LRRC4C: variants seen among roughly 807,000 people sequenced by gnomAD.
LRRC4C encodes the protein leucine-rich repeat-containing protein 4C.
In LRRC4C, 5 loss-of-function variants were observed where a neutral mutation model predicts 33.6. The ratio of observed to expected loss-of-function variants is 0.15; its 90% CI spans 0.08 to 0.31. LRRC4C has a LOEUF of 0.31. LRRC4C is among the 10% of genes least tolerant of loss of function. The pLI, the probability that LRRC4C is intolerant of heterozygous loss-of-function variation, is 1.00. For synonymous variants in LRRC4C, 329 were observed against 302.0 expected (o/e 1.09, Z -0.93); for missense variants, 560 against 796.7 (o/e 0.70, Z 3.58).
chr11:40,632,077 C>A (rs1963522536), intron 3 of LRRC4C, among the ~76,000 whole-genome samples: 1 of 152,136 alleles, frequency 6.6e-6, no homozygotes, highest in Admixed American at 6.5e-5. Context: ...GGTAGCAGTA[C>A]CAGATCTATA....
At chr11:41,218,268 T>A (rs1947149393) in intron 1 of LRRC4C, among the ~76,000 whole-genome samples, 1 of 152,214 alleles carries the variant, frequency 6.6e-6, no homozygotes, top group Non-Finnish European at 1.5e-5. Flanking sequence ...CTTGTCAGTA[T>A]GTTCAACTTA....
At chr11:40,272,573 G>GT (rs1222327373) in intron 4 of LRRC4C, among the ~76,000 whole-genome samples, 2 of 151,902 alleles carry the variant, frequency 1.3e-5, no homozygotes, top group Non-Finnish European at 2.9e-5. Flanking sequence ...TTGTTAGTTT[G>GT]TTTTTTTCAC....
At chr11:41,397,210 C>G (rs1042368508) in intron 1 of LRRC4C, among the ~76,000 whole-genome samples, 1 of 151,916 alleles carries the variant, frequency 6.6e-6, no homozygotes, top group Admixed American at 6.6e-5. Context: ...TCCACTTATA[C>G]ACAAAGTTTT....
At chr11:40,291,215 G>A (rs773307806) in intron 4 of LRRC4C, among the ~76,000 whole-genome samples, 11 of 152,204 alleles carry the variant, frequency 7.2e-5, no homozygotes, top group Non-Finnish European at 1.6e-4. Flanking sequence ...GACTTTGGCA[G>A]CTATAGGGGA....
chr11:40,390,266 C>T (rs1199256179), intron 3 of LRRC4C, among the ~76,000 whole-genome samples: 3 of 152,132 alleles, frequency 2.0e-5, no homozygotes, highest in Non-Finnish European at 4.4e-5. Context: ...GTTAAAGAAG[C>T]ATCAAACATA....
intron 1 of LRRC4C, among the ~76,000 whole-genome samples, chr11:41,008,965 T>A (rs1313643845): frequency 2.0e-5 from 3 of 152,076 alleles, no homozygotes; most frequent in African/African-American, 7.2e-5. Flanking sequence ...TCTTCTTCAA[T>A]TGAACTATTT....
intron 1 of LRRC4C, among the ~76,000 whole-genome samples, chr11:41,160,878 A>G (rs903272461): frequency 3.3e-5 from 5 of 152,188 alleles, no homozygotes; most frequent in Admixed American, 3.3e-4. Flanking sequence ...CATTATATTT[A>G]TGAAGAAAAG....
At chr11:40,582,591 A>G (rs1207380201) in intron 3 of LRRC4C, among the ~76,000 whole-genome samples, 1 of 143,516 alleles carries the variant, frequency 7.0e-6, no homozygotes, top group Admixed American at 7.4e-5. Flanking sequence ...ATCTTGGCTC[A>G]CTGCAACCTC....
intron 2 of LRRC4C, among the ~76,000 whole-genome samples, chr11:40,899,629 T>G (rs1490431167): frequency 4.6e-5 from 7 of 152,168 alleles, no homozygotes; most frequent in Non-Finnish European, 1.0e-4. Context: ...AGTATTTCTG[T>G]GTAGGAGAGC....
rs541543672 is a variant in LRRC4C, at chr11:41,383,584, T to C, written c.-496+75847A>G. On this transcript the variant is annotated intron_variant, in intron 1 of 6. Coordinates refer to ENST00000528697, the MANE Select transcript of LRRC4C (RefSeq NM_001258419.2). ...ACAGAGTACATAAAATCAACACTTG[T>C]ATTAACAGATATAAAAGCATGGAAT... Among the ~76,000 whole-genome samples the C allele has an allele frequency of 1.8e-4, 28 of 152,078 alleles. No individual in the cohort carries two copies. The South Asian group carries it at 5.0e-3, about 27-fold the overall frequency.
chr11:40,890,495 T>C (rs1415379568), intron 2 of LRRC4C, among the ~76,000 whole-genome samples: 1 of 152,200 alleles, frequency 6.6e-6, no homozygotes, highest in East Asian at 1.9e-4. Context: ...CTCTCAATAC[T>C]GTTGCATTTA....
intron 1 of LRRC4C, among the ~76,000 whole-genome samples, chr11:41,418,330 C>T (rs2138294312): frequency 6.6e-6 from 1 of 152,020 alleles, no homozygotes; most frequent in Admixed American, 6.6e-5. Flanking sequence ...ACACTTAAAA[C>T]AAGGTGATGG....
chr11:40,116,157 T>C lies in LRRC4C; in HGVS notation c.136A>G (p.Thr46Ala), dbSNP rs1454271046. ...LVVAGLVRAQTCPSVCSCSNQ... is the reference protein window; with the variant it reads ...LVVAGLVRAQACPSVCSCSNQ... ...CTGCAGGAGCACACAGAAGGGCAGGTCTGAGCCCGCACCAGACCAGCCACC... is the reference window on the plus strand; with the variant it reads ...CTGCAGGAGCACACAGAAGGGCAGGCCTGAGCCCGCACCAGACCAGCCACC... Residue 46 changes from threonine (T) to alanine (A), a missense_variant, in exon 7 of 7, where the codon ACC becomes GCC. By Grantham distance (58) the Thr-to-Ala change is moderately conservative. Around this residue, in one of 3 missense-constraint regions of LRRC4C, gnomAD observed 455 missense variants for 643.8 expected, o/e 0.71. Transcript: ENST00000528697. 1.2e-6 allele frequency: 2 copies of C among 1,613,678 alleles called. No individual in the cohort carries two copies. Among genetic ancestry groups the C allele is most frequent in the East Asian group, 4.5e-5 (2 of 44,836 alleles).
intron 1 of LRRC4C, among the ~76,000 whole-genome samples, chr11:41,211,519 C>T (rs1466184660): frequency 2.0e-5 from 3 of 152,018 alleles, no homozygotes; most frequent in Non-Finnish European, 2.9e-5. Flanking sequence ...GTGATGTTCC[C>T]CTTCCTGTAT....
chr11:40,484,974 C>T (rs1165213835), intron 3 of LRRC4C, among the ~76,000 whole-genome samples: 1 of 152,004 alleles, frequency 6.6e-6, no homozygotes, highest in Non-Finnish European at 1.5e-5. Context: ...TTTGCTAACA[C>T]TATTTGTTGG....
chr11:41,275,559 G>C (rs1949456809), intron 1 of LRRC4C, among the ~76,000 whole-genome samples: 1 of 152,070 alleles, frequency 6.6e-6, no homozygotes, highest in Non-Finnish European at 1.5e-5. Flanking sequence ...CAGCTCACTG[G>C]GAGTATAAAA....
intron 1 of LRRC4C, among the ~76,000 whole-genome samples, chr11:41,444,318 C>T (rs61877346): frequency 0.11 from 16,000 of 152,156 alleles, 1,146 homozygotes; most frequent in Non-Finnish European, 0.15. Context: ...CTAAATAATA[C>T]AGTATAACAA....
intron 1 of LRRC4C, among the ~76,000 whole-genome samples, chr11:41,289,163 T>A (rs1949921980): frequency 1.3e-5 from 2 of 152,200 alleles, no homozygotes; most frequent in Admixed American, 1.3e-4. Flanking sequence ...ATTAAAAAAA[T>A]TCTTATTTTT....
intron 3 of LRRC4C, among the ~76,000 whole-genome samples, chr11:40,637,737 T>C (rs1251953413): frequency 6.6e-6 from 1 of 152,204 alleles, no homozygotes; most frequent in Non-Finnish European, 1.5e-5. Context: ...TCTACCACCA[T>C]GGTCCAAGAA....
Sources: allele counts gnomAD v4.1 joint callset (sites outside exome capture counted in the v4.1 genomes callset), GRCh38; gene constraint gnomAD v4.1.1; regional missense constraint gnomAD v4.1.1; transcripts MANE v1.5; gene names NCBI Gene and HGNC (gene_info 2026-07-23, HGNC 2026-07-21).